PTPN4: variants seen among roughly 807,000 people sequenced by gnomAD.
The protein encoded by PTPN4 is protein tyrosine phosphatase non-receptor type 4.
Under a neutral mutation model 135.5 loss-of-function variants are expected in PTPN4, and 49 were observed. The ratio of observed to expected loss-of-function variants is 0.36; its 90% CI spans 0.29 to 0.46. The LOEUF (loss-of-function observed/expected upper bound fraction) is 0.46. Among genes scored for constraint, PTPN4 ranks in the 20% least tolerant of loss-of-function variants. PTPN4 has a pLI of 1.00. For synonymous variants in PTPN4, 333 were observed against 369.9 expected (o/e 0.90, Z 1.14); for missense variants, 860 against 1,101.0 (o/e 0.78, Z 3.10).
chr2:119,773,039 A>G (rs151042543), intron 1 of PTPN4, among the ~76,000 whole-genome samples: 1,553 of 152,324 alleles, frequency 0.01, 16 homozygotes, highest in Middle Eastern at 0.027. Context: ...CTTCCTAGCA[A>G]TGGAAAGAAG....
chr2:119,880,686 C>T (rs554258460), intron 5 of PTPN4, among the ~76,000 whole-genome samples: 8 of 151,864 alleles, frequency 5.3e-5, no homozygotes, highest in Non-Finnish European at 1.0e-4. Context: ...GTGATCTGCC[C>T]GCCTCGGCCT....
intron 2 of PTPN4, among the ~76,000 whole-genome samples, chr2:119,853,516 AC>A (rs1677628007): frequency 6.6e-6 from 1 of 152,064 alleles, no homozygotes; most frequent in Admixed American, 6.6e-5. Flanking sequence ...TATATCATTA[AC>A]AACATTTTAC....
At chr2:119,909,572 A>G (rs867546529) in intron 10 of PTPN4, among the ~76,000 whole-genome samples, 34 of 152,206 alleles carry the variant, frequency 2.2e-4, no homozygotes, top group African/African-American at 7.7e-4. Context: ...TGTAGCTGAT[A>G]GATCAAGGAG....
chr2:119,880,587 G>A (rs867653815), intron 5 of PTPN4, among the ~76,000 whole-genome samples: 3 of 151,414 alleles, frequency 2.0e-5, no homozygotes, highest in African/African-American at 4.9e-5. Context: ...CTGCCATCAC[G>A]CCTGGCTAAT....
chr2:119,782,648 G>T (rs12990769), intron 1 of PTPN4, among the ~76,000 whole-genome samples: 72,717 of 149,898 alleles, frequency 0.49, 19,015 homozygotes, highest in East Asian at 0.8. Context: ...AGATATTACA[G>T]TTGTTGTGAC....
At chr2:119,865,929 C>T (rs754179908) in intron 3 of PTPN4, among the ~76,000 whole-genome samples, 166 of 151,916 alleles carry the variant, frequency 1.1e-3, no homozygotes, top group Non-Finnish European at 1.9e-3. Flanking sequence ...TAATAGCTGA[C>T]GGTCTTTTCC....
intron 2 of PTPN4, among the ~76,000 whole-genome samples, chr2:119,810,242 T>C (rs559989598): frequency 6.6e-6 from 1 of 152,312 alleles, no homozygotes; most frequent in South Asian, 2.1e-4. Context: ...ATCCATAGTA[T>C]GTGTGTGGTT....
At chr2:119,873,232 C>A (rs1677939609) in intron 3 of PTPN4, among the ~76,000 whole-genome samples, 1 of 150,654 alleles carries the variant, frequency 6.6e-6, no homozygotes, top group Non-Finnish European at 1.5e-5. Context: ...ATGTATCTTT[C>A]CCCTAATTTG....
chr2:119,808,004 G>A (rs981805713), intron 1 of PTPN4, among the ~76,000 whole-genome samples: 1 of 152,164 alleles, frequency 6.6e-6, no homozygotes, highest in Non-Finnish European at 1.5e-5. Flanking sequence ...ATGCAGAAAA[G>A]GCCTTTGACA....
chr2:119,777,414 T>C (rs1234219450), intron 1 of PTPN4, among the ~76,000 whole-genome samples: 1 of 152,218 alleles, frequency 6.6e-6, no homozygotes, highest in Non-Finnish European at 1.5e-5. Flanking sequence ...TATATATTTT[T>C]TTCTTTCCTC....
At chr2:119,847,313 C>T (rs191913070) in intron 2 of PTPN4, among the ~76,000 whole-genome samples, 28,872 of 106,208 alleles carry the variant, frequency 0.27, 4,427 homozygotes, top group African/African-American at 0.36. Flanking sequence ...CACACACACA[C>T]ACATATATAT....
At chr2:119,824,008 T>C (rs1677109122) in intron 2 of PTPN4, among the ~76,000 whole-genome samples, 3 of 152,224 alleles carry the variant, frequency 2.0e-5, no homozygotes, top group African/African-American at 4.8e-5. Flanking sequence ...TTCATATTCA[T>C]TTAGTTCAGA....
At chr2:119,883,862 A>G (rs1435640928) in intron 8 of PTPN4, among the ~76,000 whole-genome samples, 1 of 152,214 alleles carries the variant, frequency 6.6e-6, no homozygotes, top group Non-Finnish European at 1.5e-5. Context: ...AAGAAAACTT[A>G]CTTTCTTTTA....
At chr2:119,852,072 T>C (rs1338942259) in intron 2 of PTPN4, among the ~76,000 whole-genome samples, 1 of 152,240 alleles carries the variant, frequency 6.6e-6, no homozygotes, top group Non-Finnish European at 1.5e-5. Flanking sequence ...GATTCCTTTC[T>C]CCTATTTTGT....
chr2:119,792,186 T>C (rs1185723120), intron 1 of PTPN4, among the ~76,000 whole-genome samples: 3 of 152,246 alleles, frequency 2.0e-5, no homozygotes, highest in Admixed American at 6.5e-5. Context: ...GATTTTTAAA[T>C]TGAAAACATT....
At chr2:119,878,902 GCT>G (rs1678025290) in intron 5 of PTPN4, among the ~76,000 whole-genome samples, 1 of 151,678 alleles carries the variant, frequency 6.6e-6, no homozygotes, top group South Asian at 2.1e-4. Flanking sequence ...GAACATCCTG[GCT>G]AACACGGTGA....
chr2:119,966,185 C>G (rs1354523630), intron 25 of PTPN4, among the ~76,000 whole-genome samples: 1 of 152,060 alleles, frequency 6.6e-6, no homozygotes, highest in African/African-American at 2.4e-5. Context: ...AGGGGTGAAC[C>G]CACTCTCTGA....
chr2:119,836,061 T>A (rs1326489971), intron 2 of PTPN4, among the ~76,000 whole-genome samples: 2 of 134,642 alleles, frequency 1.5e-5, no homozygotes, highest in Non-Finnish European at 1.5e-5. Context: ...AGAGTGAGTC[T>A]CCGTCTCAAA....
chr2:119,888,364 C>T lies in PTPN4; in HGVS notation c.675+2482C>T, dbSNP rs55896306. 4.9e-3 allele frequency among the ~76,000 whole-genome samples: 740 copies of T among 152,158 alleles called. 5 individuals are homozygous for T. Among genetic ancestry groups the T allele is most frequent in the African/African-American group, 0.017 (711 of 41,502 alleles). On this transcript the variant is annotated intron_variant, in intron 9 of 26. Coordinates refer to ENST00000263708, the MANE Select transcript of PTPN4 (RefSeq NM_002830.4). ...TCTTTCTCTTGCCTGAGTGTTCTGG[C>T]TAGGACTTCCACTACTATGTTGAAT...
Sources: allele counts gnomAD v4.1 joint callset (sites outside exome capture counted in the v4.1 genomes callset), GRCh38; gene constraint gnomAD v4.1.1; transcripts MANE v1.5; gene names NCBI Gene and HGNC (gene_info 2026-07-23, HGNC 2026-07-21).